LRRC28: variants seen among roughly 807,000 people sequenced by gnomAD.
The protein encoded by LRRC28 is leucine-rich repeat-containing protein 28.
LRRC28 carries 39 observed loss-of-function variants against 45.7 expected under a neutral mutation model. The observed-to-expected ratio is 0.85, with a 90% CI of 0.66 to 1.12. The LOEUF is 1.12. Ranked by LOEUF, LRRC28 falls within the 50% of genes most tolerant of loss-of-function variation. The probability of loss-of-function intolerance (pLI) is 0.00; values close to 1 mark genes in which losing one functional copy is unlikely to be tolerated. For synonymous variants in LRRC28, 206 were observed against 178.8 expected (o/e 1.15, Z -1.22); for missense variants, 435 against 438.5 (o/e 0.99, Z 0.07).
intron 5 of LRRC28, among the ~76,000 whole-genome samples, chr15:99,297,980 A>G (rs1324760782): frequency 6.6e-6 from 1 of 152,048 alleles, no homozygotes; most frequent in African/African-American, 2.4e-5. Context: ...TTTTTAGGAA[A>G]AGTGTAAAGG....
rs778117230 is a variant in LRRC28 at position 99,361,454 on chromosome 15, C to T, written c.814C>T (p.Pro272Ser). ...AGGGACGGAGCATGATCACGTCCTC[C>T]CTCTGCAGGAATTGGCTATGAGAGG... ...AIGTEHDHVL[P>S]LQELAMRGLY... The change falls in exon 8 of 10, where the codon CCT (proline) becomes TCT (serine). Residue 272 changes from proline to serine, a missense_variant. Transcript: ENST00000301981. The T allele has an allele frequency of 6.2e-6, 10 of 1,613,732 alleles. No homozygotes were observed. Among genetic ancestry groups the T allele is most frequent in the Admixed American group, 1.7e-5 (1 of 59,942 alleles).
intron 6 of LRRC28, among the ~76,000 whole-genome samples, chr15:99,348,871 T>A (rs1192187774): frequency 2.6e-5 from 4 of 152,056 alleles, no homozygotes; most frequent in Non-Finnish European, 5.9e-5. Context: ...TTGGGTAGTT[T>A]GGACATTTTG....
At chr15:99,313,900 G>T (rs977157753) in intron 5 of LRRC28, among the ~76,000 whole-genome samples, 5 of 152,070 alleles carry the variant, frequency 3.3e-5, no homozygotes, top group Non-Finnish European at 5.9e-5. Flanking sequence ...TTGTAGACTG[G>T]GCTGGGGGTA....
intron 5 of LRRC28, among the ~76,000 whole-genome samples, chr15:99,310,819 G>C (rs190387945): frequency 2.6e-5 from 4 of 152,186 alleles, no homozygotes; most frequent in Admixed American, 1.3e-4. Flanking sequence ...GGTGTTTCAC[G>C]CAATACGGCT....
chr15:99,361,208 T>C, intron 7 of LRRC28, 128 bp from the exon 8 acceptor site: 1 of 1,179,472 alleles, frequency 8.5e-7, no homozygotes, highest in African/African-American at 1.5e-5. Context: ...CTGTTCACTT[T>C]GAAAAGAATT....
chr15:99,252,917 C>T (rs781571131), intron 1 of LRRC28, among the ~76,000 whole-genome samples: 19 of 152,138 alleles, frequency 1.2e-4, no homozygotes, highest in Non-Finnish European at 2.4e-4. Context: ...GGTATGCAAG[C>T]GTGAAGAAAA....
intron 9 of LRRC28, among the ~76,000 whole-genome samples, chr15:99,373,257 CACTTT>C (rs1333867825): frequency 2.0e-5 from 3 of 152,114 alleles, no homozygotes; most frequent in African/African-American, 7.2e-5. Context: ...CCCCAAAATG[CACTTT>C]TTATGTCTGT....
chr15:99,309,675 G>A (rs1955331507), intron 5 of LRRC28, among the ~76,000 whole-genome samples: 1 of 152,134 alleles, frequency 6.6e-6, no homozygotes, highest in Non-Finnish European at 1.5e-5. Context: ...CCAAAGTGCT[G>A]GGATTACAGG....
At chr15:99,274,683 AAC>A (rs1156698373) in intron 2 of LRRC28, among the ~76,000 whole-genome samples, 1 of 152,204 alleles carries the variant, frequency 6.6e-6, no homozygotes, top group Non-Finnish European at 1.5e-5. Context: ...TCTAGTACCT[AAC>A]ACGTTAGTTT....
intron 3 of LRRC28, among the ~76,000 whole-genome samples, chr15:99,277,072 A>G (rs1223307553): frequency 1.3e-4 from 20 of 152,130 alleles, no homozygotes; most frequent in Non-Finnish European, 2.6e-4. Flanking sequence ...GCTAAATACT[A>G]TGTTTACACC....
At chr15:99,373,871 T>G (rs1957552023) in intron 9 of LRRC28, among the ~76,000 whole-genome samples, 1 of 152,192 alleles carries the variant, frequency 6.6e-6, no homozygotes, top group African/African-American at 2.4e-5. Flanking sequence ...AAGAAATCTT[T>G]ACCTACCCCC....
At chr15:99,358,848 C>T (rs191321321) in intron 7 of LRRC28, among the ~76,000 whole-genome samples, 119 of 152,186 alleles carry the variant, frequency 7.8e-4, no homozygotes, top group African/African-American at 2.6e-3. Context: ...GAAGCCGAGG[C>T]GGGCCAATCA....
At position 99,386,774 on chromosome 15, in the gene LRRC28, A is replaced by G. The variant is rs1958006081; in HGVS notation, c.*672A>G. ...ACAAAAATGTAGATTGTAATGAAAT[A>G]CACTTCCTGTTTTTTAAAAGTGTTT... On this transcript the variant is annotated 3_prime_UTR_variant, in exon 10 of 10. Coordinates refer to ENST00000301981, the MANE Select transcript of LRRC28 (RefSeq NM_144598.5). 6.6e-6 allele frequency: 1 copy of G among 152,208 alleles called. No homozygotes were observed. Among genetic ancestry groups the G allele is most frequent in the African/African-American group, 2.4e-5 (1 of 41,456 alleles). 9.4% of individuals were successfully genotyped at this position (152,208 alleles called of 1,614,324 possible).
At position 99,285,822 on chromosome 15, in the gene LRRC28, C is replaced by G. The variant is rs145449674; in HGVS notation, c.210-1435C>G. On this transcript the variant is annotated intron_variant, in intron 3 of 9. Transcript: ENST00000301981. ...TTGAAAAAAATTTTTTTAATCAGTT[C>G]TCTATTTTGATTTAGGTATTCCTTC... 4.5e-3 allele frequency: 1,936 copies of G among 428,832 alleles called. 62 individuals are homozygous for G. In the Admixed American group the frequency reaches 0.049, roughly 11 times the overall value. The allele number at this position is 428,832 out of a possible 1,614,324, so 26.6% of individuals were successfully genotyped here.
At chr15:99,317,774 T>A (rs558879648) in intron 5 of LRRC28, among the ~76,000 whole-genome samples, 1 of 152,300 alleles carries the variant, frequency 6.6e-6, no homozygotes, top group East Asian at 1.9e-4. Context: ...AAAGCATTTC[T>A]GAAAAAAATA....
intron 5 of LRRC28, among the ~76,000 whole-genome samples, chr15:99,319,481 A>C (rs1367239645): frequency 6.6e-6 from 1 of 152,090 alleles, no homozygotes; most frequent in South Asian, 2.1e-4. Context: ...GATAAATGCC[A>C]TTTCTCTCTA....
At chr15:99,343,921 C>T (rs781364603) in intron 6 of LRRC28, among the ~76,000 whole-genome samples, 2 of 152,030 alleles carry the variant, frequency 1.3e-5, no homozygotes, top group Admixed American at 6.6e-5. Flanking sequence ...TTTTGCCAGC[C>T]GACTGCCTTC....
chr15:99,276,027 A>G (rs945627276), intron 2 of LRRC28, among the ~76,000 whole-genome samples: 1 of 151,814 alleles, frequency 6.6e-6, no homozygotes, highest in East Asian at 1.9e-4. Flanking sequence ...TTAGATTCTC[A>G]TAGCACAAAC....
At chr15:99,315,702 A>G (rs1955568811) in intron 5 of LRRC28, among the ~76,000 whole-genome samples, 2 of 152,146 alleles carry the variant, frequency 1.3e-5, no homozygotes, top group African/African-American at 2.4e-5. Flanking sequence ...GTTGACTGCT[A>G]CTCTGTGGCC....
Sources: allele counts gnomAD v4.1 joint callset (sites outside exome capture counted in the v4.1 genomes callset), GRCh38; gene constraint gnomAD v4.1.1; transcripts MANE v1.5; gene names NCBI Gene and HGNC (gene_info 2026-07-23, HGNC 2026-07-21).